The following GUCY1A2 variants were observed in gnomAD, a reference collection of about 807,000 sequenced individuals.
GUCY1A2 encodes the protein guanylate cyclase 1 soluble subunit alpha 2.
Under a neutral mutation model 63.5 loss-of-function variants are expected in GUCY1A2, and 27 were observed. The observed-to-expected ratio is 0.43, with a 90% CI of 0.31 to 0.59. The LOEUF is 0.59. GUCY1A2 is among the 20% of genes least tolerant of loss of function. The pLI is 0.11. For missense variants in GUCY1A2, 768 were observed against 913.3 expected, an observed-to-expected ratio of 0.84 and a Z score of 2.05; for synonymous variants, 364 against 343.5, an observed-to-expected ratio of 1.06 and a Z score of -0.66.
rs116892513 is a variant in GUCY1A2 at position 106,761,848 on chromosome 11, T to A, written c.1836+14591A>T. 1.8e-4 allele frequency among the ~76,000 whole-genome samples: 28 copies of A among 152,256 alleles called. No homozygotes were observed. In the East Asian group the frequency reaches 5.2e-3, roughly 28 times the overall value. On this transcript the variant is annotated intron_variant, in intron 6 of 7. Transcript: ENST00000526355. Reference sequence around the variant, plus strand: ...CCACAAAGTAAGAGTTTTCACAAACTACAGTTAAAATGAAGAGAAAAATAA... The same window carrying A: ...CCACAAAGTAAGAGTTTTCACAAACAACAGTTAAAATGAAGAGAAAAATAA...
At chr11:106,864,289 T>C (rs1470299647) in intron 4 of GUCY1A2, among the ~76,000 whole-genome samples, 1 of 152,018 alleles carries the variant, frequency 6.6e-6, no homozygotes, top group Non-Finnish European at 1.5e-5. Flanking sequence ...AAAACTCGTA[T>C]GGCAATTATT....
intron 4 of GUCY1A2, among the ~76,000 whole-genome samples, chr11:106,852,072 GTTTAA>G (rs1555040444): frequency 6.6e-6 from 1 of 151,720 alleles, no homozygotes; most frequent in Non-Finnish European, 1.5e-5. Flanking sequence ...CACCCCTTTT[GTTTAA>G]TTTATTCCTA....
chr11:106,701,579 G>C (rs1034140591), intron 7 of GUCY1A2, among the ~76,000 whole-genome samples: 30 of 152,088 alleles, frequency 2.0e-4, no homozygotes, highest in Middle Eastern at 3.4e-3. Context: ...AATAAAATTT[G>C]TGCTCATAAA....
At chr11:106,899,052 T>C (rs1860090582) in intron 4 of GUCY1A2, among the ~76,000 whole-genome samples, 1 of 152,208 alleles carries the variant, frequency 6.6e-6, no homozygotes, top group African/African-American at 2.4e-5. Flanking sequence ...TTAAGCCACA[T>C]ATTTAAGATT....
intron 3 of GUCY1A2, among the ~76,000 whole-genome samples, chr11:106,971,692 C>G (rs570152052): frequency 7.9e-5 from 12 of 152,048 alleles, no homozygotes; most frequent in Admixed American, 3.3e-4. Flanking sequence ...TATAGATGGG[C>G]ATATATATAT....
chr11:106,950,094 T>C (rs775032476), intron 3 of GUCY1A2, among the ~76,000 whole-genome samples: 25 of 152,222 alleles, frequency 1.6e-4, no homozygotes, highest in African/African-American at 6.0e-4. Context: ...ATTTAATAGG[T>C]GTGAATGCTT....
chr11:106,977,441 G>A (rs1328760212), intron 3 of GUCY1A2, among the ~76,000 whole-genome samples: 1 of 152,126 alleles, frequency 6.6e-6, no homozygotes, highest in African/African-American at 2.4e-5. Context: ...TGTCCTGCAT[G>A]CTGTTATAGA....
intron 4 of GUCY1A2, among the ~76,000 whole-genome samples, chr11:106,930,617 G>T (rs1251500663): frequency 6.6e-6 from 1 of 152,204 alleles, no homozygotes; most frequent in Non-Finnish European, 1.5e-5. Context: ...CTTAAGTCAT[G>T]ATTCAAAAGT....
intron 7 of GUCY1A2, among the ~76,000 whole-genome samples, chr11:106,700,169 AC>A (rs1225995718): frequency 6.6e-6 from 1 of 152,162 alleles, no homozygotes; most frequent in Admixed American, 6.5e-5. Flanking sequence ...TAGCAATTAG[AC>A]CTTTAAGAGT....
chr11:106,924,456 A>T (rs1860493413), intron 4 of GUCY1A2, among the ~76,000 whole-genome samples: 1 of 152,316 alleles, frequency 6.6e-6, no homozygotes, highest in South Asian at 2.1e-4. Context: ...AGAAGAATAC[A>T]CTAGTGAAGT....
intron 4 of GUCY1A2, among the ~76,000 whole-genome samples, chr11:106,936,996 T>C (rs913772754): frequency 2.0e-5 from 3 of 152,116 alleles, no homozygotes; most frequent in Non-Finnish European, 2.9e-5. Flanking sequence ...TCTTTCCATG[T>C]TTTAATAAAC....
chr11:106,712,183 A>G (rs1294281508), intron 6 of GUCY1A2, among the ~76,000 whole-genome samples: 1 of 152,086 alleles, frequency 6.6e-6, no homozygotes, highest in Non-Finnish European at 1.5e-5. Context: ...TCCAAAGTCC[A>G]CTGATGATCT....
At chr11:106,995,845 T>C (rs1861527499) in intron 1 of GUCY1A2, among the ~76,000 whole-genome samples, 1 of 152,198 alleles carries the variant, frequency 6.6e-6, no homozygotes, top group African/African-American at 2.4e-5. Context: ...ATAGGTACCC[T>C]ACTGGATAGG....
chr11:106,763,977 C>G (rs891430321), intron 6 of GUCY1A2, among the ~76,000 whole-genome samples: 3 of 152,052 alleles, frequency 2.0e-5, no homozygotes, highest in Non-Finnish European at 4.4e-5. Context: ...TAAATTTCTG[C>G]TTTCCTAGTT....
chr11:106,681,769 G>A lies in GUCY1A2; in HGVS notation c.*5780C>T, dbSNP rs144633314. 1,139 of 219,270 alleles carry A rather than the reference G, an allele frequency of 5.2e-3. 3 individuals are homozygous for A. The highest frequency in any genetic ancestry group is 0.02 in the Middle Eastern group (14 of 704). The allele number at this position is 219,270 out of a possible 1,614,324, so 13.6% of individuals were successfully genotyped here. A position where few individuals can be genotyped will look rare whatever the true frequency, so the allele number is the denominator to read the frequency against. On this transcript the variant is annotated 3_prime_UTR_variant, in exon 8 of 8. Transcript: ENST00000526355. ...AAGGCTCTATGAAATGCAAAGAAGTGCAAGCTTCATATGGCATCATCACCA... is the reference window on the plus strand; with the variant it reads ...AAGGCTCTATGAAATGCAAAGAAGTACAAGCTTCATATGGCATCATCACCA...
At chr11:106,793,435 C>T (rs1864698152) in intron 5 of GUCY1A2, among the ~76,000 whole-genome samples, 1 of 152,056 alleles carries the variant, frequency 6.6e-6, no homozygotes, top group South Asian at 2.1e-4. Flanking sequence ...GTGACACTGG[C>T]CTTAGCAATG....
chr11:106,849,350 AT>A (rs1365962606), intron 4 of GUCY1A2, among the ~76,000 whole-genome samples: 1 of 149,196 alleles, frequency 6.7e-6, no homozygotes, highest in Non-Finnish European at 1.5e-5. Context: ...TTTTACATAT[AT>A]TATATATGTA....
chr11:106,825,896 A>G (rs1409178241), intron 4 of GUCY1A2, among the ~76,000 whole-genome samples: 1 of 152,252 alleles, frequency 6.6e-6, no homozygotes, highest in Non-Finnish European at 1.5e-5. Context: ...ATTTCAGGTT[A>G]TAAAACCAGA....
intron 4 of GUCY1A2, among the ~76,000 whole-genome samples, chr11:106,879,628 G>T (rs186406889): frequency 6.6e-6 from 1 of 152,038 alleles, no homozygotes; most frequent in African/African-American, 2.4e-5. Context: ...GTGAGAAAGA[G>T]ATGGGCCTAA....
Sources: allele counts gnomAD v4.1 joint callset (sites outside exome capture counted in the v4.1 genomes callset), GRCh38; gene constraint gnomAD v4.1.1; transcripts MANE v1.5; gene names NCBI Gene and HGNC (gene_info 2026-07-23, HGNC 2026-07-21).